Variants in DMRT1 observed in about 807,000 individuals in gnomAD.
DMRT1 encodes doublesex- and mab-3-related transcription factor 1.
Under a neutral mutation model 32.3 loss-of-function variants are expected in DMRT1, and 7 were observed. The observed-to-expected ratio is 0.22, with a 90% CI of 0.12 to 0.41. The LOEUF (loss-of-function observed/expected upper bound fraction) is 0.41. Among genes scored for constraint, DMRT1 ranks in the 10% least tolerant of loss-of-function variants. The pLI is 1.00. For missense variants in DMRT1, 625 were observed against 500.5 expected, an observed-to-expected ratio of 1.25 and a Z score of -2.37; for synonymous variants, 278 against 206.1, an observed-to-expected ratio of 1.35 and a Z score of -2.99.
intron 4 of DMRT1, among the ~76,000 whole-genome samples, chr9:958,443 T>A (rs1365784449): frequency 2.6e-5 from 4 of 152,228 alleles, no homozygotes; most frequent in African/African-American, 7.2e-5. Context: ...CTCAGCTTAC[T>A]GCAACCTCCA....
rs146893441 is a variant in DMRT1, at chr9:894,166, G to A, written c.793G>A (p.Val265Met). 278 of 1,613,910 alleles carry A rather than the reference G, an allele frequency of 1.7e-4. No individual in the cohort carries two copies. Among genetic ancestry groups the A allele is most frequent in the Non-Finnish European group, 2.3e-4 (266 of 1,180,044 alleles). The change falls in exon 3 of 5, where the codon GTG becomes ATG. Residue 265 changes from valine to methionine, a missense_variant. Physicochemically the swap from Val to Met is conservative, Grantham distance 21 (BLOSUM62 1). This residue lies in a region of DMRT1 where 416 missense variants were observed against 321.6 expected (regional missense o/e 1.29). Transcript: ENST00000382276. ...NSLRGLPGPY[V>M]PGQTGNQWQM... ...CCTTCGGGGCCTCCCCGGACCTTAT[G>A]TGCCTGGTCAGACAGGAAACCAGTG...
At position 965,442 on chromosome 9, in the gene DMRT1, A is replaced by G. The variant is rs1389539419; in HGVS notation, c.968-2543A>G. Among the ~76,000 whole-genome samples, 1 of 152,238 alleles carries G rather than the reference A, an allele frequency of 6.6e-6. No individual in the cohort carries two copies. The highest frequency in any genetic ancestry group is 1.5e-5 in the Non-Finnish European group (1 of 68,026). ...CTAGTCCATGCAGGTAATATTCTGC[A>G]TGCTTTGTGGCCCCACGTCGCAAGA... On this transcript the variant is annotated intron_variant, in intron 4 of 4. Coordinates refer to ENST00000382276, the MANE Select transcript of DMRT1 (RefSeq NM_021951.3). This position sits in a 1 kb window ranked among gnomAD's most constrained non-coding sequence, Gnocchi z 4.5.
intron 4 of DMRT1, among the ~76,000 whole-genome samples, chr9:925,138 C>A (rs79339495): frequency 6.4e-4 from 98 of 152,314 alleles, no homozygotes; most frequent in African/African-American, 2.2e-3. Flanking sequence ...GGTGTGTGCC[C>A]ACACGGAGGG....
At chr9:940,757 C>T (rs1819037460) in intron 4 of DMRT1, among the ~76,000 whole-genome samples, 1 of 152,116 alleles carries the variant, frequency 6.6e-6, no homozygotes, top group African/African-American at 2.4e-5. Context: ...GAGGCACAAC[C>T]TTCAGAATGG....
At chr9:898,783 A>G (rs1266211930) in intron 3 of DMRT1, among the ~76,000 whole-genome samples, 1 of 152,120 alleles carries the variant, frequency 6.6e-6, no homozygotes, top group South Asian at 2.1e-4. Flanking sequence ...ACTTAACCAG[A>G]TGGAGTCATC....
chr9:883,739 C>A (rs1003938756), intron 2 of DMRT1, among the ~76,000 whole-genome samples: 1 of 151,314 alleles, frequency 6.6e-6, no homozygotes, highest in Admixed American at 6.6e-5. Flanking sequence ...CTGCCGTGAG[C>A]CATGATCACA....
intron 4 of DMRT1, among the ~76,000 whole-genome samples, chr9:927,598 C>T (rs1450134375): frequency 6.6e-6 from 1 of 152,142 alleles, no homozygotes; most frequent in Non-Finnish European, 1.5e-5. Context: ...TGAAAGTTAG[C>T]TTTATATGTA....
At chr9:900,864 AC>A (rs1817546362) in intron 3 of DMRT1, among the ~76,000 whole-genome samples, 1 of 151,314 alleles carries the variant, frequency 6.6e-6, no homozygotes, top group South Asian at 2.1e-4. Context: ...TAATTAAAAA[AC>A]TTTTTTTGTA....
chr9:852,227 G>A (rs1327027023), intron 2 of DMRT1, among the ~76,000 whole-genome samples: 2 of 151,512 alleles, frequency 1.3e-5, no homozygotes, highest in Non-Finnish European at 2.9e-5. Context: ...GTGAGCTACC[G>A]TGCCTGGCCG....
intron 2 of DMRT1, among the ~76,000 whole-genome samples, 172 bp from the exon 3 acceptor site, chr9:893,740 C>T (rs1033329540): frequency 2.0e-5 from 3 of 152,178 alleles, no homozygotes; most frequent in South Asian, 4.1e-4. Context: ...CAGAGTGAAG[C>T]GAACCTTAGA....
chr9:952,452 G>A (rs765622286), intron 4 of DMRT1, among the ~76,000 whole-genome samples: 3 of 152,190 alleles, frequency 2.0e-5, no homozygotes, highest in Non-Finnish European at 4.4e-5. Flanking sequence ...AGGCCAGGCA[G>A]CCCGTAAACC....
chr9:868,364 G>T (rs1187988720), intron 2 of DMRT1, among the ~76,000 whole-genome samples: 2 of 152,176 alleles, frequency 1.3e-5, no homozygotes, highest in African/African-American at 4.8e-5. Flanking sequence ...TCAGCTTTCT[G>T]TCTCTGATAT....
Position 854,819 on chromosome 9 carries a change from G to A in DMRT1, c.538+7676G>A, listed in dbSNP as rs1031398662. Reference sequence around the variant, plus strand: ...CTCACTCTGTCACCCAGGCTGGAGTGCAGTGGCATAATCTCGGCTCACTGC... The same window carrying A: ...CTCACTCTGTCACCCAGGCTGGAGTACAGTGGCATAATCTCGGCTCACTGC... On this transcript the variant is annotated intron_variant, in intron 2 of 4. Coordinates refer to ENST00000382276, the MANE Select transcript of DMRT1 (RefSeq NM_021951.3). Among the ~76,000 whole-genome samples, 22 of 105,152 alleles carry A rather than the reference G, an allele frequency of 2.1e-4. 1 individual carries two copies. Among genetic ancestry groups the A allele is most frequent in the Admixed American group, 6.0e-4 (6 of 9,980 alleles). The allele number at this position is 105,152 out of a possible 152,430, so 69.0% of individuals were successfully genotyped here. A position where few individuals can be genotyped will look rare whatever the true frequency, so the allele number is the denominator to read the frequency against.
At chr9:858,851 C>G (rs996069369) in intron 2 of DMRT1, among the ~76,000 whole-genome samples, 18 of 22,392 alleles carry the variant, frequency 8.0e-4, no homozygotes, top group African/African-American at 2.6e-3. Flanking sequence ...TCCAGTCTGT[C>G]TCAAAAAAAA....
intron 3 of DMRT1, among the ~76,000 whole-genome samples, chr9:911,156 T>A (rs755942574): frequency 6.6e-6 from 1 of 152,112 alleles, no homozygotes; most frequent in Admixed American, 6.6e-5. Context: ...CTGTGGGAAT[T>A]GTGGGACACT....
At chr9:961,892 C>CGT (rs1168816987) in intron 4 of DMRT1, among the ~76,000 whole-genome samples, 1 of 152,160 alleles carries the variant, frequency 6.6e-6, no homozygotes, top group Non-Finnish European at 1.5e-5. Context: ...TCTGTTATTA[C>CGT]CCCCTTTTCA....
chr9:855,407 A>G (rs957843725), intron 2 of DMRT1, among the ~76,000 whole-genome samples: 12 of 152,226 alleles, frequency 7.9e-5, no homozygotes, highest in Admixed American at 2.6e-4. Flanking sequence ...CTTTAAGGAC[A>G]AACACTGCAT....
intron 2 of DMRT1, among the ~76,000 whole-genome samples, chr9:859,998 T>G (rs1962758): frequency 0.31 from 47,850 of 152,110 alleles, 8,322 homozygotes; most frequent in African/African-American, 0.48. Flanking sequence ...AGGTTTTAGG[T>G]TTTATCTAAA....
intron 4 of DMRT1, among the ~76,000 whole-genome samples, chr9:966,319 A>AT (rs1234673031): frequency 6.6e-6 from 1 of 152,120 alleles, no homozygotes; most frequent in Non-Finnish European, 1.5e-5. Context: ...CTTTTTTGTT[A>AT]TGAAATACTA....
Sources: gnomAD v4.1 joint callset for allele counts (sites outside exome capture counted in the v4.1 genomes callset) on GRCh38, gnomAD v4.1.1 for gene constraint, gnomAD v4.1.1 regional missense constraint, Gnocchi (gnomAD v3.1) non-coding constraint, MANE v1.5 for transcripts, NCBI Gene and HGNC (gene_info 2026-07-23, HGNC 2026-07-21) for gene names.